KSR1: variants seen among roughly 807,000 people sequenced by gnomAD.
KSR1 encodes kinase suppressor of ras.
A neutral mutation model predicts 92.9 loss-of-function variants in KSR1; 35 were observed. That is an observed-to-expected ratio of 0.38 (90% CI 0.29 to 0.50). The LOEUF (loss-of-function observed/expected upper bound fraction) is 0.50. Among genes scored for constraint, KSR1 ranks in the 20% least tolerant of loss-of-function variants. The pLI, the probability that KSR1 is intolerant of heterozygous loss-of-function variation, is 0.94. For synonymous variants in KSR1, 467 were observed against 472.6 expected, an observed-to-expected ratio of 0.99 and a Z score of 0.15; for missense variants, 972 against 1,158.5, an observed-to-expected ratio of 0.84 and a Z score of 2.34.
intron 1 of KSR1, among the ~76,000 whole-genome samples, chr17:27,541,420 T>C (rs967599404): frequency 2.0e-5 from 3 of 152,146 alleles, no homozygotes; most frequent in East Asian, 1.9e-4. Context: ...AGGGGTGGGG[T>C]ACAGCCCAGA....
intron 1 of KSR1, among the ~76,000 whole-genome samples, chr17:27,515,619 T>G (rs945224662): frequency 3.3e-5 from 5 of 151,356 alleles, no homozygotes; most frequent in Non-Finnish European, 7.4e-5. Flanking sequence ...TAGTTTTTTT[T>G]TTTTTTTTTT....
intron 1 of KSR1, chr17:27,465,363 G>A (rs1001691546): frequency 6.6e-6 from 1 of 151,946 alleles, no homozygotes; most frequent in Non-Finnish European, 1.5e-5. Flanking sequence ...TCTAATCTCC[G>A]GATAATTGTA....
intron 1 of KSR1, among the ~76,000 whole-genome samples, chr17:27,517,377 G>A (rs1025418625): frequency 2.0e-5 from 3 of 151,820 alleles, no homozygotes; most frequent in Admixed American, 1.3e-4. Context: ...CTATGGCCCA[G>A]GCTGGAGTGC....
chr17:27,481,283 C>T (rs898388454), intron 1 of KSR1, among the ~76,000 whole-genome samples: 3 of 152,030 alleles, frequency 2.0e-5, no homozygotes, highest in African/African-American at 7.3e-5. Flanking sequence ...CTGGGTCTGC[C>T]GTGAACTGCT....
chr17:27,555,606 T>C (rs1314212965), intron 2 of KSR1, among the ~76,000 whole-genome samples: 2 of 152,222 alleles, frequency 1.3e-5, no homozygotes, highest in African/African-American at 4.8e-5. Context: ...CTCTGTTTTT[T>C]ACTAACCCCA....
At chr17:27,547,169 C>T (rs2071211157) in intron 1 of KSR1, among the ~76,000 whole-genome samples, 1 of 152,196 alleles carries the variant, frequency 6.6e-6, no homozygotes, top group East Asian at 1.9e-4. Context: ...TTGAATCTGG[C>T]TCTGTCAGAT....
chr17:27,517,425 T>C (rs2069844678), intron 1 of KSR1, among the ~76,000 whole-genome samples: 1 of 152,092 alleles, frequency 6.6e-6, no homozygotes, highest in Admixed American at 6.5e-5. Flanking sequence ...ATCCACCCCC[T>C]GGGCTCAAGT....
At chr17:27,563,234 T>C (rs1002048549) in intron 2 of KSR1, among the ~76,000 whole-genome samples, 1 of 152,180 alleles carries the variant, frequency 6.6e-6, no homozygotes, top group Admixed American at 6.5e-5. Context: ...GTTACTTTCT[T>C]ACTTTCTCTT....
At chr17:27,582,607 C>T in intron 3 of KSR1, 39 bp from the exon 4 acceptor site, 1 of 1,558,226 alleles carries the variant, frequency 6.4e-7, no homozygotes, top group South Asian at 1.2e-5. Context: ...GAATTCCTTC[C>T]AGCCCTGACC....
At position 27,492,000 on chromosome 17, in the gene KSR1, C is replaced by T. The variant is rs147383839; in HGVS notation, c.231+35126C>T. On this transcript the variant is annotated intron_variant, in intron 1 of 20. Coordinates refer to ENST00000644974, the MANE Select transcript of KSR1 (RefSeq NM_001394583.1). ...TAATTTAACCAGTCACCCTTCTCTC[C>T]GTCGGCCTCCACCAAGGCTGTGGGA... Among the ~76,000 whole-genome samples, 1,107 of 152,288 alleles carry T rather than the reference C, an allele frequency of 7.3e-3. 11 individuals are homozygous for T. Among genetic ancestry groups the T allele is most frequent in the African/African-American group, 0.026 (1,062 of 41,550 alleles).
intron 1 of KSR1, 40 bp downstream of exon 1, chr17:27,456,914 C>T (rs201275767): frequency 1.2e-5 from 9 of 770,260 alleles, no homozygotes; most frequent in South Asian, 2.7e-5. Flanking sequence ...GAGGAGCGGG[C>T]CCGGACACCT....
intron 1 of KSR1, among the ~76,000 whole-genome samples, chr17:27,545,364 G>A (rs1567811454): frequency 1.3e-5 from 2 of 152,208 alleles, no homozygotes. Flanking sequence ...TTGTGTTTGT[G>A]TGTTCATCCT....
chr17:27,526,806 T>A, intron 1 of KSR1: 1 of 994,430 alleles, frequency 1.0e-6, no homozygotes, highest in Non-Finnish European at 1.5e-6. Context: ...TCTTGGGCCG[T>A]GGCGTGGTAT....
chr17:27,461,896 G>C (rs1255669576), intron 1 of KSR1, among the ~76,000 whole-genome samples: 1 of 66,570 alleles, frequency 1.5e-5, no homozygotes, highest in Non-Finnish European at 4.1e-5. Flanking sequence ...ACCATGCGGA[G>C]ACGCTGGCCC....
At chr17:27,583,496 G>A (rs967534801) in intron 4 of KSR1, among the ~76,000 whole-genome samples, 4 of 152,238 alleles carry the variant, frequency 2.6e-5, no homozygotes, top group African/African-American at 9.6e-5. Context: ...TGCTGGCCAC[G>A]GTGGCAGAGG....
chr17:27,536,867 G>A (rs1311233608), intron 1 of KSR1, among the ~76,000 whole-genome samples: 3 of 152,216 alleles, frequency 2.0e-5, no homozygotes, highest in Non-Finnish European at 4.4e-5. Flanking sequence ...GTTGGACAAA[G>A]TAGCCACAGA....
At chr17:27,458,189 A>T (rs1188992451) in intron 1 of KSR1, among the ~76,000 whole-genome samples, 3 of 151,526 alleles carry the variant, frequency 2.0e-5, no homozygotes, top group Non-Finnish European at 4.4e-5. Flanking sequence ...AACAAACAAA[A>T]CCCCCTACAA....
intron 2 of KSR1, among the ~76,000 whole-genome samples, chr17:27,558,519 C>T (rs554783456): frequency 2.6e-5 from 4 of 151,914 alleles, no homozygotes; most frequent in Admixed American, 1.3e-4. Flanking sequence ...AGCACCTGAA[C>T]GAAGATGAGA....
chr17:27,478,704 G>A (rs1425826808), intron 1 of KSR1, among the ~76,000 whole-genome samples: 1 of 152,088 alleles, frequency 6.6e-6, no homozygotes, highest in East Asian at 1.9e-4. Flanking sequence ...GAGGAGTGGG[G>A]TTGGGGGCTT....
Sources: allele counts gnomAD v4.1 joint callset (sites outside exome capture counted in the v4.1 genomes callset), GRCh38; gene constraint gnomAD v4.1.1; transcripts MANE v1.5; gene names NCBI Gene and HGNC (gene_info 2026-07-23, HGNC 2026-07-21).